The following ARHGAP28 variants were observed in gnomAD, a reference collection of about 807,000 sequenced individuals.
ARHGAP28 encodes rho GTPase-activating protein 28.
A neutral mutation model predicts 90.7 loss-of-function variants in ARHGAP28; 56 were observed. The ratio of observed to expected loss-of-function variants is 0.62; its 90% CI spans 0.50 to 0.77. ARHGAP28 has a LOEUF of 0.77. Among genes scored for constraint, ARHGAP28 ranks in the 30% least tolerant of loss-of-function variants. The pLI is 0.00. For synonymous variants in ARHGAP28, 308 were observed against 323.3 expected (o/e 0.95, Z 0.51); for missense variants, 869 against 900.9 (o/e 0.96, Z 0.45).
chr18:6,746,935 G>GTATA (rs2056027977), intron 1 of ARHGAP28, among the ~76,000 whole-genome samples: 1 of 151,512 alleles, frequency 6.6e-6, no homozygotes, highest in Non-Finnish European at 1.5e-5. Flanking sequence ...ACAAAAAACA[G>GTATA]CACTGTATAT....
chr18:6,868,075 A>G, intron 5 of ARHGAP28, 75 bp from the exon 6 acceptor site: 4 of 1,260,892 alleles, frequency 3.2e-6, no homozygotes, highest in Admixed American at 3.4e-5. Context: ...ACTGCAGAAC[A>G]TAAGTCAGGC....
chr18:6,853,841 G>C (rs1032380751), intron 4 of ARHGAP28, among the ~76,000 whole-genome samples: 5 of 152,126 alleles, frequency 3.3e-5, no homozygotes, highest in African/African-American at 1.2e-4. Flanking sequence ...CACCTTTCCA[G>C]ATCGAACCAA....
chr18:6,835,805 C>T (rs1328276508), intron 2 of ARHGAP28, among the ~76,000 whole-genome samples: 1 of 152,128 alleles, frequency 6.6e-6, no homozygotes, highest in Non-Finnish European at 1.5e-5. Flanking sequence ...GAATGAACAT[C>T]AATTGAATAC....
Position 6,837,345 on chromosome 18 carries a change from A to G in ARHGAP28, c.474A>G (p.Gln158=), listed in dbSNP as rs2056761592. 1 of 1,613,886 alleles carries G rather than the reference A, an allele frequency of 6.2e-7. No homozygotes were observed. Among genetic ancestry groups the G allele is most frequent in the Middle Eastern group, 1.6e-4 (1 of 6,062 alleles). ...AVQKRYHTYT[Q]TMRKKDKQSI... ...AAAAGAGATACCATACCTATACCCAAACCATGAGGAAAAAGGATAAGCAAT... is the reference window on the plus strand; with the variant it reads ...AAAAGAGATACCATACCTATACCCAGACCATGAGGAAAAAGGATAAGCAAT... The change falls in exon 3 of 18, where the codon CAA becomes CAG. Residue 158 remains glutamine, a synonymous_variant. Coordinates refer to ENST00000383472, the MANE Select transcript of ARHGAP28 (RefSeq NM_001366230.1).
At chr18:6,787,622 A>G (rs1205114069) in intron 1 of ARHGAP28, among the ~76,000 whole-genome samples, 1 of 152,210 alleles carries the variant, frequency 6.6e-6, no homozygotes, top group Non-Finnish European at 1.5e-5. Flanking sequence ...AACACTTTAC[A>G]AAGCTGTGAT....
At chr18:6,821,845 A>C (rs1257707332) in intron 1 of ARHGAP28, among the ~76,000 whole-genome samples, 3 of 152,218 alleles carry the variant, frequency 2.0e-5, no homozygotes, top group Non-Finnish European at 2.9e-5. Context: ...CGCATGAATA[A>C]GAAACTATGT....
intron 2 of ARHGAP28, among the ~76,000 whole-genome samples, chr18:6,826,367 C>T (rs1047433717): frequency 1.3e-4 from 20 of 151,752 alleles, no homozygotes; most frequent in Non-Finnish European, 2.5e-4. Flanking sequence ...CTTATAGATT[C>T]TGGATATTAG....
intron 2 of ARHGAP28, among the ~76,000 whole-genome samples, chr18:6,827,689 C>T (rs1237865253): frequency 5.9e-5 from 9 of 151,496 alleles, no homozygotes; most frequent in East Asian, 4.0e-4. Flanking sequence ...TGGGCGGAGA[C>T]GCTTCTCACT....
intron 1 of ARHGAP28, among the ~76,000 whole-genome samples, chr18:6,753,160 A>T (rs1403093428): frequency 1.3e-5 from 2 of 152,164 alleles, no homozygotes; most frequent in East Asian, 3.9e-4. Context: ...TTGAAATGGT[A>T]CCAATGGATT....
chr18:6,767,263 TTGC>T (rs1416982717), intron 1 of ARHGAP28, among the ~76,000 whole-genome samples: 2 of 152,184 alleles, frequency 1.3e-5, no homozygotes, highest in Admixed American at 6.5e-5. Context: ...CCTCTCCTTT[TTGC>T]TGCTATCATA....
intron 10 of ARHGAP28, among the ~76,000 whole-genome samples, chr18:6,877,488 C>T (rs1279719251): frequency 6.6e-6 from 1 of 152,238 alleles, no homozygotes; most frequent in African/African-American, 2.4e-5. Context: ...TGAGCCACAT[C>T]CAGAAGGGGC....
intron 11 of ARHGAP28, among the ~76,000 whole-genome samples, chr18:6,884,322 C>T (rs988353414): frequency 2.0e-5 from 3 of 152,032 alleles, no homozygotes; most frequent in African/African-American, 7.2e-5. Context: ...TATAGTGAGC[C>T]GAGATCGTGC....
chr18:6,816,773 G>A (rs188299778), intron 1 of ARHGAP28, among the ~76,000 whole-genome samples: 4 of 152,178 alleles, frequency 2.6e-5, no homozygotes, highest in African/African-American at 9.6e-5. Flanking sequence ...CTAATAATTT[G>A]GTAGCCCTTA....
At chr18:6,816,830 G>A (rs1003171502) in intron 1 of ARHGAP28, among the ~76,000 whole-genome samples, 1 of 152,110 alleles carries the variant, frequency 6.6e-6, no homozygotes, top group African/African-American at 2.4e-5. Flanking sequence ...GCTCACACCT[G>A]TAATCCCAGC....
At chr18:6,737,453 A>G (rs2055938297) in intron 1 of ARHGAP28, among the ~76,000 whole-genome samples, 1 of 152,124 alleles carries the variant, frequency 6.6e-6, no homozygotes, top group Admixed American at 6.5e-5. Flanking sequence ...CAGTACTTTT[A>G]TTTCTAATAT....
intron 3 of ARHGAP28, among the ~76,000 whole-genome samples, chr18:6,850,258 T>G (rs1014044288): frequency 5.3e-5 from 8 of 152,232 alleles, no homozygotes; most frequent in Non-Finnish European, 5.9e-5. Context: ...GTTCTTCTCT[T>G]TCCTCAATTA....
chr18:6,729,734 C>G lies in ARHGAP28; in HGVS notation c.-88C>G, dbSNP rs1299670493. 2.0e-5 allele frequency: 25 copies of G among 1,268,238 alleles called. No homozygotes were observed. Among genetic ancestry groups the G allele is most frequent in the Non-Finnish European group, 2.5e-5 (25 of 1,003,134 alleles). 78.6% of individuals were successfully genotyped at this position (1,268,238 alleles called of 1,614,324 possible). On this transcript the variant is annotated 5_prime_UTR_variant, in exon 1 of 18. Coordinates refer to ENST00000383472, the MANE Select transcript of ARHGAP28 (RefSeq NM_001366230.1). ...GCTGGTCGCACCTCGGGCCGCGCCGCCCAGCTGCTGACAGCCTCCCGGCGC... is the reference window on the plus strand; with the variant it reads ...GCTGGTCGCACCTCGGGCCGCGCCGGCCAGCTGCTGACAGCCTCCCGGCGC...
rs77077618 is a variant in ARHGAP28 at position 6,828,320 on chromosome 18, C to G, written c.325+3356C>G. On this transcript the variant is annotated intron_variant, in intron 2 of 17. Coordinates refer to ENST00000383472, the MANE Select transcript of ARHGAP28 (RefSeq NM_001366230.1). Reference sequence around the variant, plus strand: ...GCAGCAGTACAGTCCAGCTTCGGCTCGGCATCAGAGGGAGACCGTGGAAAG... The same window carrying G: ...GCAGCAGTACAGTCCAGCTTCGGCTGGGCATCAGAGGGAGACCGTGGAAAG... Among the ~76,000 whole-genome samples the G allele has an allele frequency of 2.6e-3, 398 of 152,124 alleles. 12 individuals are homozygous for G. The East Asian group carries it at 0.069, about 26-fold the overall frequency.
chr18:6,910,088 C>G (rs1426044410), intron 17 of ARHGAP28, among the ~76,000 whole-genome samples: 1 of 152,162 alleles, frequency 6.6e-6, no homozygotes, highest in Non-Finnish European at 1.5e-5. Context: ...CACACTCTGC[C>G]CCTCAGCACT....
Sources: gnomAD v4.1 joint callset for allele counts (sites outside exome capture counted in the v4.1 genomes callset) on GRCh38, gnomAD v4.1.1 for gene constraint, MANE v1.5 for transcripts, NCBI Gene and HGNC (gene_info 2026-07-23, HGNC 2026-07-21) for gene names.